The following MBTPS1 variants were observed in gnomAD, a reference collection of about 807,000 sequenced individuals.
The protein encoded by MBTPS1 is membrane bound transcription factor peptidase, site 1, also known as membrane-bound transcription factor site-1 protease.
Under a neutral mutation model 127.8 loss-of-function variants are expected in MBTPS1, and 94 were observed. The ratio of observed to expected loss-of-function variants is 0.74; its 90% CI spans 0.62 to 0.87. MBTPS1 has a LOEUF of 0.87. Among genes scored for constraint, MBTPS1 ranks in the 40% least tolerant of loss-of-function variants. The pLI is 0.00. For synonymous variants in MBTPS1, 632 were observed against 509.4 expected (o/e 1.24, Z -3.24); for missense variants, 1,636 against 1,353.2 (o/e 1.21, Z -3.28).
chr16:84,065,188 G>A (rs1450819654), intron 18 of MBTPS1, among the ~76,000 whole-genome samples: 2 of 151,260 alleles, frequency 1.3e-5, no homozygotes, highest in African/African-American at 2.4e-5. Flanking sequence ...CATGATCTTG[G>A]GTAACTGCAA....
chr16:84,057,695 T>C (rs1222529038), intron 21 of MBTPS1: 1 of 152,240 alleles, frequency 6.6e-6, no homozygotes, highest in Admixed American at 6.5e-5. Flanking sequence ...TCTAGGTCTC[T>C]GGGGACCGAG....
At chr16:84,066,717 G>C (rs2151145205) in intron 16 of MBTPS1, 104 bp from the exon 17 acceptor site, 1 of 1,169,846 alleles carries the variant, frequency 8.5e-7, no homozygotes, top group Non-Finnish European at 1.2e-6. Flanking sequence ...CCACAATCCA[G>C]TCCTTCCACA....
chr16:84,099,159 C>G lies in MBTPS1; in HGVS notation c.315G>C (p.Gln105His). ...SDYPSDFEVI[Q>H]IKEKQKAGLL... ...GCCCCGCTTTCTGTTTTTCTTTTAT[C>G]TGAATCACCTCAAAATCACTAGGGT... Residue 105 changes from glutamine to histidine, a missense_variant, in exon 3 of 23, where the codon CAG becomes CAC. Gln to His is a conservative substitution (Grantham distance 24). Transcript: ENST00000343411. 6.2e-7 allele frequency: 1 copy of G among 1,614,152 alleles called. No individual in the cohort carries two copies. The highest frequency in any genetic ancestry group is 8.5e-7 in the Non-Finnish European group (1 of 1,180,034).
At chr16:84,106,115 T>G (rs2086320216) in intron 1 of MBTPS1, among the ~76,000 whole-genome samples, 2 of 152,026 alleles carry the variant, frequency 1.3e-5, no homozygotes, top group African/African-American at 4.8e-5. Flanking sequence ...GCCAAAATGG[T>G]GAAACCCCAC....
chr16:84,056,421 G>A (rs1351618765), intron 21 of MBTPS1: 3 of 279,020 alleles, frequency 1.1e-5, no homozygotes, highest in African/African-American at 2.2e-5. Context: ...ACATGACCAA[G>A]CGCCTCGGGA....
At chr16:84,091,313 C>T (rs1162749837) in intron 7 of MBTPS1, among the ~76,000 whole-genome samples, 1 of 151,906 alleles carries the variant, frequency 6.6e-6, no homozygotes, top group African/African-American at 2.4e-5. Context: ...CGGTGAAACC[C>T]CGTCTCTACT....
intron 4 of MBTPS1, among the ~76,000 whole-genome samples, chr16:84,094,671 T>G (rs551175378): frequency 6.6e-6 from 1 of 152,176 alleles, no homozygotes; most frequent in Non-Finnish European, 1.5e-5. Context: ...TTTTAAAAAA[T>G]GCACACACAA....
At chr16:84,069,589 G>C (rs2085740464) in intron 14 of MBTPS1, among the ~76,000 whole-genome samples, 1 of 152,242 alleles carries the variant, frequency 6.6e-6, no homozygotes, top group African/African-American at 2.4e-5. Context: ...CCAGGATGCA[G>C]TTTGAGGGTA....
intron 1 of MBTPS1, chr16:84,110,626 A>G (rs2086384932): frequency 6.6e-6 from 1 of 152,200 alleles, no homozygotes. Context: ...TAGTCTGCAA[A>G]TATTAACTAA....
chr16:84,064,308 A>G (rs975779163), intron 18 of MBTPS1, among the ~76,000 whole-genome samples: 3 of 152,078 alleles, frequency 2.0e-5, no homozygotes, highest in African/African-American at 4.8e-5. Flanking sequence ...AAAATAGGCC[A>G]TTCTTTGGAA....
chr16:84,106,736 G>A (rs2086329053), intron 1 of MBTPS1, among the ~76,000 whole-genome samples: 1 of 152,196 alleles, frequency 6.6e-6, no homozygotes, highest in Non-Finnish European at 1.5e-5. Context: ...TGTGGAAGGG[G>A]GCACAGGCTG....
chr16:84,108,404 C>A (rs1567506795), intron 1 of MBTPS1, among the ~76,000 whole-genome samples: 1 of 152,208 alleles, frequency 6.6e-6, no homozygotes, highest in Non-Finnish European at 1.5e-5. Flanking sequence ...GCTGGAATTA[C>A]AGGCACACGC....
intron 11 of MBTPS1, chr16:84,081,482 G>A (rs1473603708): frequency 7.4e-6 from 2 of 269,104 alleles, no homozygotes; most frequent in Non-Finnish European, 1.4e-5. Context: ...AAGAGTCTAA[G>A]AAAGTAAACA....
At chr16:84,114,153 G>A (rs906851551) in intron 1 of MBTPS1, among the ~76,000 whole-genome samples, 1 of 151,730 alleles carries the variant, frequency 6.6e-6, no homozygotes, top group Admixed American at 6.6e-5. Flanking sequence ...TTTAGAGACG[G>A]GGTTTCACTG....
At chr16:84,096,246 C>T (rs563696614) in intron 3 of MBTPS1, among the ~76,000 whole-genome samples, 5 of 152,210 alleles carry the variant, frequency 3.3e-5, no homozygotes, top group African/African-American at 1.2e-4. Flanking sequence ...AGGCAAAAGC[C>T]ATCAAATATC....
chr16:84,085,580 C>A (rs1395250585), intron 9 of MBTPS1, among the ~76,000 whole-genome samples: 9 of 104,790 alleles, frequency 8.6e-5, no homozygotes, highest in East Asian at 3.0e-4. Flanking sequence ...CGCCCCCCCC[C>A]CAAAAAAAAA....
At chr16:84,089,159 A>G (rs1313078342) in intron 8 of MBTPS1, among the ~76,000 whole-genome samples, 4 of 152,366 alleles carry the variant, frequency 2.6e-5, no homozygotes, top group East Asian at 3.9e-4. Flanking sequence ...AGAGAAACAG[A>G]AGGAGGACAC....
At chr16:84,083,711 T>C (rs923849913) in intron 10 of MBTPS1, among the ~76,000 whole-genome samples, 1 of 152,242 alleles carries the variant, frequency 6.6e-6, no homozygotes, top group Non-Finnish European at 1.5e-5. Flanking sequence ...TATTTGCCTA[T>C]ATTAATTAAT....
intron 18 of MBTPS1, 60 bp from the exon 19 acceptor site, chr16:84,063,505 T>A (rs954825567): frequency 4.6e-5 from 68 of 1,478,630 alleles, no homozygotes; most frequent in Non-Finnish European, 6.0e-5. Flanking sequence ...GTGAGTTATT[T>A]CCTGATATTT....
Sources: gnomAD v4.1 joint callset for allele counts (sites outside exome capture counted in the v4.1 genomes callset) on GRCh38, gnomAD v4.1.1 for gene constraint, MANE v1.5 for transcripts, NCBI Gene and HGNC (gene_info 2026-07-23, HGNC 2026-07-21) for gene names.